The following MLLT3 variants were observed in gnomAD, a reference collection of about 807,000 sequenced individuals.
MLLT3 encodes the protein protein AF-9.
MLLT3 carries 4 observed loss-of-function variants against 53.2 expected under a neutral mutation model. The ratio of observed to expected loss-of-function variants is 0.08; its 90% CI spans 0.04 to 0.17. MLLT3 has a LOEUF of 0.17. Among genes scored for constraint, MLLT3 ranks in the 10% least tolerant of loss-of-function variants. The pLI, the probability that MLLT3 is intolerant of heterozygous loss-of-function variation, is 1.00. For missense variants in MLLT3, 569 were observed against 684.0 expected (o/e 0.83, Z 1.87); for synonymous variants, 283 against 230.6 (o/e 1.23, Z -2.06).
chr9:20,603,945 T>C (rs768272363), intron 2 of MLLT3, among the ~76,000 whole-genome samples: 3 of 152,082 alleles, frequency 2.0e-5, no homozygotes, highest in Non-Finnish European at 2.9e-5. Flanking sequence ...ATAGTTTTCA[T>C]GTGAATAGGC....
At chr9:20,532,804 C>T in intron 2 of MLLT3, 1 of 261,632 alleles carries the variant, frequency 3.8e-6, no homozygotes, top group South Asian at 5.7e-5. Flanking sequence ...AACCAGTTCA[C>T]CCAGGCCCTG....
In MLLT3 at chr9:20,585,306, C is replaced by T. The variant is rs114949341; in HGVS notation, c.193+35348G>A. Among the ~76,000 whole-genome samples, 1,148 of 152,218 alleles carry T rather than the reference C, an allele frequency of 7.5e-3. 12 individuals are homozygous for T. Among genetic ancestry groups the T allele is most frequent in the African/African-American group, 0.026 (1,090 of 41,506 alleles). On this transcript the variant is annotated intron_variant, in intron 2 of 10. Coordinates refer to ENST00000380338, the MANE Select transcript of MLLT3 (RefSeq NM_004529.4). Reference sequence around the variant, plus strand: ...AACTGTACATATTTATGGTACACAACATCCTGTCCCTTCTTATAAAGACAC... The same window carrying T: ...AACTGTACATATTTATGGTACACAATATCCTGTCCCTTCTTATAAAGACAC...
chr9:20,546,609 G>C (rs540981658), intron 2 of MLLT3, among the ~76,000 whole-genome samples: 1 of 152,152 alleles, frequency 6.6e-6, no homozygotes, highest in Non-Finnish European at 1.5e-5. Flanking sequence ...ACACCTGACA[G>C]TGATAACTTA....
intron 5 of MLLT3, among the ~76,000 whole-genome samples, chr9:20,378,860 T>C (rs1821840833): frequency 2.6e-5 from 4 of 152,074 alleles, no homozygotes; most frequent in Admixed American, 2.6e-4. Context: ...AGGTAGATTC[T>C]TCTGTTGTGT....
chr9:20,388,640 G>C (rs559063042), intron 5 of MLLT3, among the ~76,000 whole-genome samples: 8 of 151,614 alleles, frequency 5.3e-5, no homozygotes, highest in Non-Finnish European at 1.0e-4. Context: ...ACAATAATAA[G>C]GTAATTGTCA....
intron 2 of MLLT3, among the ~76,000 whole-genome samples, chr9:20,491,560 G>C (rs973905278): frequency 1.9e-4 from 29 of 152,074 alleles, no homozygotes; most frequent in African/African-American, 6.5e-4. Context: ...TGAATAAATG[G>C]CATTTCCTAC....
intron 2 of MLLT3, among the ~76,000 whole-genome samples, chr9:20,557,744 T>C (rs1009048814): frequency 2.0e-5 from 3 of 152,120 alleles, no homozygotes; most frequent in Non-Finnish European, 2.9e-5. Context: ...AGAGAAACAC[T>C]AGCAAAGGTA....
intron 5 of MLLT3, among the ~76,000 whole-genome samples, chr9:20,403,427 A>C (rs1387800302): frequency 6.6e-6 from 1 of 152,212 alleles, no homozygotes; most frequent in Non-Finnish European, 1.5e-5. Flanking sequence ...TATAACACAC[A>C]ACCTCCCTCC....
At chr9:20,420,702 G>T (rs189495394) in intron 4 of MLLT3, among the ~76,000 whole-genome samples, 2 of 150,884 alleles carry the variant, frequency 1.3e-5, no homozygotes, top group Non-Finnish European at 3.0e-5. Context: ...TTTCTATCTC[G>T]TTTTTTTTTA....
chr9:20,419,405 A>G (rs1377475371), intron 4 of MLLT3, among the ~76,000 whole-genome samples: 1 of 152,002 alleles, frequency 6.6e-6, no homozygotes, highest in Non-Finnish European at 1.5e-5. Flanking sequence ...AGCCATAAGA[A>G]GAGTTCCAGA....
At chr9:20,422,265 G>C (rs1368982222) in intron 4 of MLLT3, among the ~76,000 whole-genome samples, 3 of 152,174 alleles carry the variant, frequency 2.0e-5, no homozygotes, top group Non-Finnish European at 4.4e-5. Flanking sequence ...GCTTTGGAAG[G>C]TTTTACTTGT....
At chr9:20,601,587 TC>T (rs1160345636) in intron 2 of MLLT3, among the ~76,000 whole-genome samples, 1 of 152,126 alleles carries the variant, frequency 6.6e-6, no homozygotes, top group Non-Finnish European at 1.5e-5. Context: ...ATAATTTTAG[TC>T]AGATGGGAAT....
At chr9:20,347,336 GGA>G (rs1164217709) in intron 10 of MLLT3, among the ~76,000 whole-genome samples, 1 of 152,008 alleles carries the variant, frequency 6.6e-6, no homozygotes, top group African/African-American at 2.4e-5. Context: ...AATATTTTGG[GGA>G]GATTTTAAAT....
At chr9:20,351,743 C>T (rs919218968) in intron 10 of MLLT3, among the ~76,000 whole-genome samples, 2 of 152,288 alleles carry the variant, frequency 1.3e-5, no homozygotes, top group Admixed American at 6.5e-5. Flanking sequence ...GCAGAGAATA[C>T]GTAGACTTTG....
chr9:20,354,521 A>G (rs1251126471), intron 9 of MLLT3, among the ~76,000 whole-genome samples: 1 of 152,194 alleles, frequency 6.6e-6, no homozygotes, highest in Non-Finnish European at 1.5e-5. Context: ...TTAATATTCT[A>G]TCTCTACCAC....
intron 2 of MLLT3, among the ~76,000 whole-genome samples, chr9:20,609,669 C>T (rs1190970978): frequency 6.6e-6 from 1 of 152,086 alleles, no homozygotes; most frequent in Admixed American, 6.6e-5. Flanking sequence ...CTCCAATCTA[C>T]AAGTAATAGT....
At chr9:20,580,944 C>A (rs538635988) in intron 2 of MLLT3, among the ~76,000 whole-genome samples, 1 of 152,298 alleles carries the variant, frequency 6.6e-6, no homozygotes, top group East Asian at 1.9e-4. Context: ...TTTAAACCTA[C>A]ATTATATTCC....
At chr9:20,564,352 G>T (rs780284872) in intron 2 of MLLT3, among the ~76,000 whole-genome samples, 1 of 152,044 alleles carries the variant, frequency 6.6e-6, no homozygotes, top group Admixed American at 6.6e-5. Flanking sequence ...GAAAAGAGAT[G>T]GCTCTTACAC....
intron 4 of MLLT3, among the ~76,000 whole-genome samples, chr9:20,427,002 C>G (rs1162674384): frequency 1.3e-5 from 2 of 152,024 alleles, no homozygotes; most frequent in Middle Eastern, 3.2e-3. Flanking sequence ...CAAGAAGAAG[C>G]CTTTACAAAT....
Sources: allele counts gnomAD v4.1 joint callset (sites outside exome capture counted in the v4.1 genomes callset), GRCh38; gene constraint gnomAD v4.1.1; transcripts MANE v1.5; gene names NCBI Gene and HGNC (gene_info 2026-07-23, HGNC 2026-07-21).